The following ELK3 variants were observed in gnomAD, a reference collection of about 807,000 sequenced individuals.
ELK3 encodes the protein ETS domain-containing protein Elk-3.
A neutral mutation model predicts 28.9 loss-of-function variants in ELK3; 10 were observed. The ratio of observed to expected loss-of-function variants is 0.35; its 90% confidence interval spans 0.21 to 0.59. The LOEUF is 0.59. ELK3 is among the 20% of genes least tolerant of loss of function. The probability of loss-of-function intolerance (pLI) is 0.82; values close to 1 mark genes in which losing one functional copy is unlikely to be tolerated. For missense variants in ELK3, 463 were observed against 517.3 expected, an observed-to-expected ratio of 0.90 and a Z score of 1.02; for synonymous variants, 272 against 243.5, an observed-to-expected ratio of 1.12 and a Z score of -1.09.
intron 4 of ELK3, 102 bp from the exon 5 acceptor site, chr12:96,266,980 T>G: frequency 2.4e-6 from 2 of 830,990 alleles, no homozygotes; most frequent in Non-Finnish European, 3.5e-6. Context: ...ACAGGGGTGA[T>G]GAGAGAAATG....
chr12:96,248,729 T>G (rs930417397), intron 3 of ELK3, among the ~76,000 whole-genome samples: 1 of 152,150 alleles, frequency 6.6e-6, no homozygotes, highest in Non-Finnish European at 1.5e-5. Context: ...CTGTTGTCAT[T>G]AGCAGCAGCC....
intron 1 of ELK3, among the ~76,000 whole-genome samples, chr12:96,220,386 T>TA (rs1448990066): frequency 6.9e-6 from 1 of 145,140 alleles, no homozygotes; most frequent in Non-Finnish European, 1.5e-5. Context: ...TTCGTGATTT[T>TA]TTTTTTTTTT....
chr12:96,247,802 T>A lies in ELK3; in HGVS notation c.1002+68T>A, dbSNP rs1951870605. ...GGCTTAGCAAAAAAGGAAGAGCAAC[T>A]AAAGAGACTTCCTTCTGTCCCTCAA... is the stretch of plus-strand genomic sequence containing the variant. On this transcript the variant is annotated intron_variant, in intron 3 of 4. Transcript: ENST00000228741. This position sits in a 1 kb window ranked among gnomAD's most constrained non-coding sequence, Gnocchi z 5.5. 7.0e-7 allele frequency: 1 copy of A among 1,425,180 alleles called. No homozygotes were observed. The highest frequency in any genetic ancestry group is 1.5e-5 in the South Asian group (1 of 67,818). The allele number at this position is 1,425,180 out of a possible 1,614,324, so 88.3% of individuals were successfully genotyped here. A position where few individuals can be genotyped will look rare whatever the true frequency, so the allele number is the denominator to read the frequency against.
At position 96,268,137 on chromosome 12, in the gene ELK3, A is replaced by G. The variant is rs1368306316; in HGVS notation, c.*957A>G. 1.3e-5 allele frequency: 2 copies of G among 152,248 alleles called. No homozygotes were observed. The highest frequency in any genetic ancestry group is 6.5e-5 in the Admixed American group (1 of 15,288). The allele number at this position is 152,248 out of a possible 1,614,324, so 9.4% of individuals were successfully genotyped here. On this transcript the variant is annotated 3_prime_UTR_variant, in exon 5 of 5. Coordinates refer to ENST00000228741, the MANE Select transcript of ELK3 (RefSeq NM_005230.4). ...ACTATAATTAACATTTAAAAAATCT[A>G]ATGCTTTAGAAGAAGCTCACAGAGT... is the stretch of plus-strand genomic sequence containing the variant.
chr12:96,211,487 TTGTG>T (rs201554119), intron 1 of ELK3, among the ~76,000 whole-genome samples: 676 of 54,486 alleles, frequency 0.012, 4 homozygotes, highest in African/African-American at 0.019. Flanking sequence ...CATTGTGTGT[TTGTG>T]TGTGTGTGTG....
chr12:96,262,734 T>G (rs575998021), intron 4 of ELK3, among the ~76,000 whole-genome samples: 3 of 152,348 alleles, frequency 2.0e-5, no homozygotes, highest in Admixed American at 1.3e-4. Flanking sequence ...AATAACTTTC[T>G]GATTTTTAAA....
chr12:96,229,938 G>A (rs1951729277), intron 2 of ELK3, among the ~76,000 whole-genome samples: 1 of 152,050 alleles, frequency 6.6e-6, no homozygotes, highest in East Asian at 1.9e-4. Context: ...TTCTAAATAA[G>A]GTCCTAGTCA....
chr12:96,203,196 T>C (rs1480211136), intron 1 of ELK3, among the ~76,000 whole-genome samples: 1 of 152,172 alleles, frequency 6.6e-6, no homozygotes, highest in Non-Finnish European at 1.5e-5. Flanking sequence ...CTAGACAGTT[T>C]TAGAGACATC....
rs865903267 is a variant in ELK3 at position 96,246,840 on chromosome 12, C to T, written c.208-100C>T. Reference sequence around the variant, plus strand: ...CTTAGCCAAGAATGTAAATCAGGAACATTTTGGTGCTTCTGCCAGCGACAT... The same window carrying T: ...CTTAGCCAAGAATGTAAATCAGGAATATTTTGGTGCTTCTGCCAGCGACAT... On this transcript the variant is annotated intron_variant, in intron 2 of 4. Coordinates refer to ENST00000228741, the MANE Select transcript of ELK3 (RefSeq NM_005230.4). 63 of 1,249,970 alleles carry T rather than the reference C, an allele frequency of 5.0e-5. 1 individual carries two copies. The Middle Eastern group carries it at 7.0e-3, about 140-fold the overall frequency. 77.4% of individuals were successfully genotyped at this position (1,249,970 alleles called of 1,614,324 possible).
intron 1 of ELK3, among the ~76,000 whole-genome samples, chr12:96,208,332 G>A (rs944454782): frequency 7.2e-5 from 11 of 152,198 alleles, no homozygotes; most frequent in East Asian, 3.8e-4. Context: ...GATTACAGGC[G>A]TTAGCCACTG....
chr12:96,216,789 C>T (rs1005467863), intron 1 of ELK3, among the ~76,000 whole-genome samples: 6 of 152,216 alleles, frequency 3.9e-5, no homozygotes, highest in Non-Finnish European at 5.9e-5. Flanking sequence ...ATATCAGTCC[C>T]ATTTTACCTA....
chr12:96,228,281 G>A (rs1181802493), intron 2 of ELK3, among the ~76,000 whole-genome samples: 1 of 151,876 alleles, frequency 6.6e-6, no homozygotes, highest in Non-Finnish European at 1.5e-5. Context: ...AGCTGGGCGT[G>A]GTGGTGCACA....
chr12:96,237,940 C>G (rs1309083439), intron 2 of ELK3, among the ~76,000 whole-genome samples: 1 of 152,170 alleles, frequency 6.6e-6, no homozygotes, highest in African/African-American at 2.4e-5. Context: ...AACCCAAAAG[C>G]AGGAGTTGAA....
chr12:96,228,717 A>C (rs911866503), intron 2 of ELK3, among the ~76,000 whole-genome samples: 6 of 152,178 alleles, frequency 3.9e-5, no homozygotes, highest in African/African-American at 1.4e-4. Flanking sequence ...TTCTCTGAGC[A>C]CCTGCAGTTG....
chr12:96,229,090 A>G (rs931681194), intron 2 of ELK3, among the ~76,000 whole-genome samples: 2 of 152,202 alleles, frequency 1.3e-5, no homozygotes, highest in East Asian at 1.9e-4. Flanking sequence ...AGGGTCTGGC[A>G]TGTATTAGTT....
At chr12:96,204,598 G>A (rs1483869945) in intron 1 of ELK3, among the ~76,000 whole-genome samples, 1 of 152,168 alleles carries the variant, frequency 6.6e-6, no homozygotes, top group Non-Finnish European at 1.5e-5. Flanking sequence ...AACAACAGCA[G>A]CAGCAGCAGC....
chr12:96,201,982 G>A (rs144578638), intron 1 of ELK3, among the ~76,000 whole-genome samples: 1 of 152,268 alleles, frequency 6.6e-6, no homozygotes, highest in East Asian at 1.9e-4. Context: ...ATCAGTGACT[G>A]TCTGAGTTGG....
intron 2 of ELK3, among the ~76,000 whole-genome samples, chr12:96,235,205 C>T (rs574417630): frequency 2.7e-5 from 4 of 147,616 alleles, no homozygotes; most frequent in East Asian, 2.0e-4. Context: ...CCCCCACAGC[C>T]GCCCCCCACC....
intron 1 of ELK3, among the ~76,000 whole-genome samples, chr12:96,204,248 C>T (rs1029050755): frequency 6.6e-6 from 1 of 152,072 alleles, no homozygotes; most frequent in Non-Finnish European, 1.5e-5. Context: ...ATCAGGTTTT[C>T]GTAGTTCCCT....
Sources: allele counts gnomAD v4.1 joint callset (sites outside exome capture counted in the v4.1 genomes callset), GRCh38; gene constraint gnomAD v4.1.1; non-coding constraint Gnocchi (gnomAD v3.1); transcripts MANE v1.5; gene names NCBI Gene and HGNC (gene_info 2026-07-23, HGNC 2026-07-21).